Variants in CCDC47 observed in about 807,000 individuals in gnomAD.
CCDC47 encodes coiled-coil domain containing 47.
In CCDC47, 41 loss-of-function variants were observed where a neutral mutation model predicts 60.5. The observed-to-expected ratio is 0.68, with a 90% CI of 0.53 to 0.88. The LOEUF (loss-of-function observed/expected upper bound fraction) is 0.88, where lower values mean the gene tolerates loss of function less well. Ranked by LOEUF, CCDC47 falls within the 40% of genes least tolerant of loss-of-function variation. CCDC47 has a pLI of 0.00. For missense variants in CCDC47, 513 were observed against 580.9 expected (o/e 0.88, Z 1.20); for synonymous variants, 195 against 190.7 (o/e 1.02, Z -0.18).
intron 12 of CCDC47, among the ~76,000 whole-genome samples, chr17:63,748,716 G>C (rs899868636): frequency 6.6e-6 from 1 of 152,164 alleles, no homozygotes; most frequent in Non-Finnish European, 1.5e-5. Flanking sequence ...CCACTTGAGA[G>C]GTCAGGAGTT....
chr17:63,757,201 A>C (rs868034249), intron 6 of CCDC47, among the ~76,000 whole-genome samples: 13 of 150,896 alleles, frequency 8.6e-5, no homozygotes, highest in African/African-American at 2.9e-4. Flanking sequence ...TCTGTACAAA[A>C]AAAAAAAAAA....
In CCDC47 at chr17:63,745,906, C is replaced by G. The variant is rs550065364; in HGVS notation, c.*975G>C. On this transcript the variant is annotated 3_prime_UTR_variant, in exon 13 of 13. Coordinates refer to ENST00000225726, the MANE Select transcript of CCDC47 (RefSeq NM_020198.3). The stretch of plus-strand genomic sequence containing the variant: ...AGGAAAGCTCATTTTCAAAAGTATA[C>G]TTACACATATTCATGGCCATTTCTT... 1.3e-5 allele frequency: 2 copies of G among 152,314 alleles called. No individual in the cohort carries two copies. Among genetic ancestry groups the G allele is most frequent in the South Asian group, 4.1e-4 (2 of 4,826 alleles). The allele number at this position is 152,314 out of a possible 1,614,324, so 9.4% of individuals were successfully genotyped here.
Position 63,764,778 on chromosome 17 carries a change from A to T in CCDC47, c.334T>A (p.Ser112Thr), listed in dbSNP as rs376305681. The T allele has an allele frequency of 5.1e-5, 83 of 1,613,348 alleles. No homozygotes were observed. The highest frequency in any genetic ancestry group is 1.1e-4 in the East Asian group (5 of 44,848). Reference sequence around the variant, plus strand: ...ATTGGGTCTTTATTTTTGCTAGAAGAAGTATCTGGTTTGTCTTCATAACCT... The same window carrying T: ...ATTGGGTCTTTATTTTTGCTAGAAGTAGTATCTGGTTTGTCTTCATAACCT... ...FEGYEDKPDT[S>T]SSKNKDPITI... The change falls in exon 3 of 13, where the codon TCT becomes ACT. Residue 112 changes from serine (S) to threonine (T), a missense_variant. Transcript: ENST00000225726.
At chr17:63,772,089 T>C (rs1311471447) in intron 1 of CCDC47, among the ~76,000 whole-genome samples, 2 of 151,414 alleles carry the variant, frequency 1.3e-5, no homozygotes, top group East Asian at 3.9e-4. Flanking sequence ...CTCAAAAAAA[T>C]AGATAAATAA....
chr17:63,759,266 A>G (rs1267561797), intron 6 of CCDC47, among the ~76,000 whole-genome samples: 1 of 151,286 alleles, frequency 6.6e-6, no homozygotes, highest in Non-Finnish European at 1.5e-5. Context: ...AGGCGGGTGG[A>G]TCACCTGAGG....
chr17:63,766,238 A>G lies in CCDC47; in HGVS notation c.-19-44T>C, dbSNP rs1466487499. On this transcript the variant is annotated intron_variant, in intron 1 of 12. Coordinates refer to ENST00000225726, the MANE Select transcript of CCDC47 (RefSeq NM_020198.3). ...CCCAAAATGGATTGCCATTCTATAC[A>G]TACTGATCAGATTTTATAAACAGTA... The G allele has an allele frequency of 2.0e-6, 3 of 1,521,582 alleles. No homozygotes were observed. The Admixed American group carries it at 6.6e-5, about 34-fold the overall frequency. 94.3% of individuals were successfully genotyped at this position (1,521,582 alleles called of 1,614,324 possible). A position where few individuals can be genotyped will look rare whatever the true frequency, so the allele number is the denominator to read the frequency against.
At position 63,766,097 on chromosome 17, in the gene CCDC47, C is replaced by T. The variant is rs765301687; in HGVS notation, c.79G>A (p.Asp27Asn). 3.7e-6 allele frequency: 6 copies of T among 1,613,908 alleles called. No individual in the cohort carries two copies. The highest frequency in any genetic ancestry group is 4.2e-6 in the Non-Finnish European group (5 of 1,179,990). Residue 27 changes from aspartate (D) to asparagine (N), a missense_variant, in exon 2 of 13, where the codon GAT becomes AAT. Coordinates refer to ENST00000225726, the MANE Select transcript of CCDC47 (RefSeq NM_020198.3). ...VSEAKFDDFE[D>N]EEDIVEYDDN... ...TCATACTCTACTATGTCCTCCTCAT[C>T]CTCAAAATCATCAAACTTGGCTTCA...
At chr17:63,756,445 T>C (rs1238774824) in intron 7 of CCDC47, 24 bp downstream of exon 7, 4 of 1,600,402 alleles carry the variant, frequency 2.5e-6, no homozygotes, top group Non-Finnish European at 3.4e-6. Context: ...CTACGTATAT[T>C]TGAGTTGGAG....
At chr17:63,751,056 T>C (rs1182264020) in intron 12 of CCDC47, among the ~76,000 whole-genome samples, 1 of 137,522 alleles carries the variant, frequency 7.3e-6, no homozygotes, top group Non-Finnish European at 1.6e-5. Context: ...TTTTTTTTTT[T>C]ACTAGTAGAG....
At chr17:63,772,027 A>T (rs62077510) in intron 1 of CCDC47, among the ~76,000 whole-genome samples, 105,470 of 151,728 alleles carry the variant, frequency 0.7, 37,936 homozygotes, top group African/African-American at 0.9. Context: ...GGTTGTAGTG[A>T]GCCAAGATTG....
At chr17:63,752,979 T>C in intron 9 of CCDC47, 180 bp from the exon 10 acceptor site, 1 of 910,644 alleles carries the variant, frequency 1.1e-6, no homozygotes, top group Non-Finnish European at 1.3e-6. Context: ...CACTCGTCTA[T>C]CTGATGGATG....
chr17:63,752,250 T>C, intron 11 of CCDC47, 70 bp downstream of exon 11: 1 of 1,405,372 alleles, frequency 7.1e-7, no homozygotes, highest in African/African-American at 1.4e-5. Context: ...AAATCATTGA[T>C]AGCTGCCCTC....
rs1439466778 is a variant in CCDC47, at chr17:63,752,024, T to C, written c.1287A>G (p.Ala429=). The change falls in exon 12 of 13, where the codon GCA becomes GCG. Residue 429 remains alanine (A), a synonymous_variant. Transcript: ENST00000225726. ...KLTHVQRQEA[A]QSRREEKKRA... Reference sequence around the variant, plus strand: ...TTTTTTTCTCCTCCCGCCGAGACTGTGCTGCTTCCTGTCTTTGCACATGTG... The same window carrying C: ...TTTTTTTCTCCTCCCGCCGAGACTGCGCTGCTTCCTGTCTTTGCACATGTG... The C allele has an allele frequency of 6.2e-7, 1 of 1,613,646 alleles. No homozygotes were observed. The highest frequency in any genetic ancestry group is 8.5e-7 in the Non-Finnish European group (1 of 1,179,958).
At chr17:63,747,703 G>A (rs1341100732) in intron 12 of CCDC47, 1 of 985,182 alleles carries the variant, frequency 1.0e-6, no homozygotes, top group Non-Finnish European at 1.2e-6. Context: ...GTAAAAATGT[G>A]CTCAGAAATA....
Position 63,752,603 on chromosome 17 carries a change from G to T in CCDC47, c.1093+138C>A. On this transcript the variant is annotated intron_variant, in intron 10 of 12. Coordinates refer to ENST00000225726, the MANE Select transcript of CCDC47 (RefSeq NM_020198.3). Reference sequence around the variant, plus strand: ...ATATAATAGGTAATTTCTTCTTGAAGAAATCTGGAAATCAGTAAGCAAGCA... The same window carrying T: ...ATATAATAGGTAATTTCTTCTTGAATAAATCTGGAAATCAGTAAGCAAGCA... 3 of 910,414 alleles carry T rather than the reference G, an allele frequency of 3.3e-6. No homozygotes were observed. The South Asian group carries it at 6.7e-5, about 20-fold the overall frequency. The allele number at this position is 910,414 out of a possible 1,614,324, so 56.4% of individuals were successfully genotyped here.
intron 1 of CCDC47, among the ~76,000 whole-genome samples, chr17:63,772,320 C>T (rs1186769594): frequency 7.7e-6 from 1 of 130,034 alleles, no homozygotes; most frequent in Non-Finnish European, 1.6e-5. Flanking sequence ...GTGGCACGAT[C>T]TCGGCTCACT....
intron 6 of CCDC47, among the ~76,000 whole-genome samples, chr17:63,759,511 ATATATATATATATATTTATATATAT>A (rs2039235597): frequency 3.0e-4 from 7 of 23,440 alleles, no homozygotes; most frequent in East Asian, 3.0e-3. Context: ...AAAAAAAAAT[ATATATATATATATATTTATATATAT>A]ATATATATAT....
At position 63,746,664 on chromosome 17, in the gene CCDC47, T is replaced by C. The variant is rs1461933713; in HGVS notation, c.*217A>G. The C allele has an allele frequency of 9.2e-6, 4 of 433,280 alleles. No homozygotes were observed. The South Asian group carries it at 2.5e-4, about 27-fold the overall frequency. 26.8% of individuals were successfully genotyped at this position (433,280 alleles called of 1,614,324 possible). On this transcript the variant is annotated 3_prime_UTR_variant, in exon 13 of 13. Coordinates refer to ENST00000225726, the MANE Select transcript of CCDC47 (RefSeq NM_020198.3). ...TATAAAATAATCAAAATAATTTGAT[T>C]ATCTGGAAAAAAAAATTCTTGAAAC...
Position 63,762,258 on chromosome 17 carries a change from C to T in CCDC47, c.548-907G>A, listed in dbSNP as rs2039266777. On this transcript the variant is annotated intron_variant, in intron 4 of 12. Coordinates refer to ENST00000225726, the MANE Select transcript of CCDC47 (RefSeq NM_020198.3). The stretch of plus-strand genomic sequence containing the variant: ...GACTGATACACCAAATGAAAACAAG[C>T]AAGGGGAAGTAGAAGGAGCCAAAGC... 7 of 985,140 alleles carry T rather than the reference C, an allele frequency of 7.1e-6. No homozygotes were observed. In the South Asian group the frequency reaches 3.3e-4, roughly 46 times the overall value. The allele number at this position is 985,140 out of a possible 1,614,324, so 61.0% of individuals were successfully genotyped here.
Sources: gnomAD v4.1 joint callset for allele counts (sites outside exome capture counted in the v4.1 genomes callset) on GRCh38, gnomAD v4.1.1 for gene constraint, MANE v1.5 for transcripts, NCBI Gene and HGNC (gene_info 2026-07-23, HGNC 2026-07-21) for gene names.